The following KMT2B variants were observed in gnomAD, a reference collection of about 807,000 sequenced individuals.
The protein encoded by KMT2B is lysine methyltransferase 2B.
A neutral mutation model predicts 255.3 loss-of-function variants in KMT2B; 22 were observed. That is an observed-to-expected ratio of 0.09 (90% CI 0.06 to 0.12). KMT2B has a LOEUF of 0.12. KMT2B is among the 10% of genes least tolerant of loss of function. The pLI, the probability that KMT2B is intolerant of heterozygous loss-of-function variation, is 1.00. For synonymous variants in KMT2B, 1,730 were observed against 1,498.1 expected (o/e 1.15, Z -3.57); for missense variants, 3,149 against 3,737.0 (o/e 0.84, Z 4.10).
intron 30 of KMT2B, chr19:35,735,194 C>G (rs892632330): frequency 1.3e-5 from 2 of 152,224 alleles, no homozygotes; most frequent in African/African-American, 4.8e-5. Flanking sequence ...AGTCACACGG[C>G]AGGAGTGTTG....
At position 35,738,467 on chromosome 19, in the gene KMT2B, C is replaced by G. The variant is rs1028185815; in HGVS notation, c.8058C>G (p.Leu2686=). 6.2e-7 allele frequency: 1 copy of G among 1,614,106 alleles called. No homozygotes were observed. Among genetic ancestry groups the G allele is most frequent in the East Asian group, 2.2e-5 (1 of 44,892 alleles). ...ALRRILRGEE[L]TYDYKFPIED... Reference sequence around the variant, plus strand: ...GCCGCATCCTGCGTGGTGAGGAGCTCACCTACGACTACAAGTTCCCCATCG... The same window carrying G: ...GCCGCATCCTGCGTGGTGAGGAGCTGACCTACGACTACAAGTTCCCCATCG... The change falls in exon 37 of 37, where the codon CTC becomes CTG. Residue 2686 remains leucine (L), a synonymous_variant. Coordinates refer to ENST00000420124, the MANE Select transcript of KMT2B (RefSeq NM_014727.3). The surrounding 1 kb of genome is among the most constrained non-coding windows in gnomAD (Gnocchi z 8.7).
chr19:35,736,572 G>C (rs983940396), intron 30 of KMT2B, 118 bp from the exon 31 acceptor site: 2 of 1,225,216 alleles, frequency 1.6e-6, no homozygotes, highest in African/African-American at 3.0e-5. Flanking sequence ...TTAGACCCTA[G>C]TATCTGTGTC....
At chr19:35,731,041 C>G (rs1969669623) in intron 26 of KMT2B, among the ~76,000 whole-genome samples, 174 bp downstream of exon 26, 1 of 152,262 alleles carries the variant, frequency 6.6e-6, no homozygotes, top group Non-Finnish European at 1.5e-5. Flanking sequence ...CTGTGCCCGG[C>G]TTTTCATGGG....
In KMT2B at chr19:35,725,952, T is replaced by C. The variant is rs1969421896; in HGVS notation, c.3885+134T>C. ...TTAAGAATTGATTAGTAATGTTTCC[T>C]CTTCAAAAATTTCACATAGGTCAGA... is the stretch of plus-strand genomic sequence containing the variant. On this transcript the variant is annotated intron_variant, in intron 13 of 36. Transcript: ENST00000420124. This position sits in a 1 kb window ranked among gnomAD's most constrained non-coding sequence, Gnocchi z 4.1. 1.3e-6 allele frequency: 1 copy of C among 772,414 alleles called. No homozygotes were observed. The highest frequency in any genetic ancestry group is 1.7e-5 in the African/African-American group (1 of 57,150). The allele number at this position is 772,414 out of a possible 1,614,324, so 47.8% of individuals were successfully genotyped here.
intron 22 of KMT2B, among the ~76,000 whole-genome samples, chr19:35,729,602 C>A (rs1247191135): frequency 6.6e-6 from 1 of 152,152 alleles, no homozygotes; most frequent in Non-Finnish European, 1.5e-5. Context: ...GGTTAGAATT[C>A]CCCCACTCCT....
rs1969154350 is a variant in KMT2B at position 35,720,655 on chromosome 19, GTCCCCACCACCTCTACCA to G, written c.1314_1331del (p.Leu441_Pro446del). ...TCTGCCCTCCACCACCACCCCCAGT[GTCCCCACCACCTCTACCA>G]TCCCCTCCACCGCCTCCTGCCCAAG... On this transcript the variant is annotated inframe_deletion, in exon 3 of 37. Coordinates refer to ENST00000420124, the MANE Select transcript of KMT2B (RefSeq NM_014727.3). 1 of 1,288,602 alleles carries G rather than the reference GTCCCCACCACCTCTACCA, an allele frequency of 7.8e-7. No individual in the cohort carries two copies. Among genetic ancestry groups the G allele is most frequent in the Admixed American group, 3.1e-5 (1 of 32,546 alleles). The allele number at this position is 1,288,602 out of a possible 1,614,324, so 79.8% of individuals were successfully genotyped here. A position where few individuals can be genotyped will look rare whatever the true frequency, so the allele number is the denominator to read the frequency against.
rs1969824063 is a variant in KMT2B at position 35,733,928 on chromosome 19, C to T, written c.7159+56C>T. ...GCCTGTGCCTGGCTCAGCTGGGTGACTCACAGATGCAAAATCAGCCCTCTT... is the reference window on the plus strand; with the variant it reads ...GCCTGTGCCTGGCTCAGCTGGGTGATTCACAGATGCAAAATCAGCCCTCTT... On this transcript the variant is annotated intron_variant, in intron 30 of 36. Coordinates refer to ENST00000420124, the MANE Select transcript of KMT2B (RefSeq NM_014727.3). The surrounding 1 kb of genome is among the most constrained non-coding windows in gnomAD (Gnocchi z 4.3). 1 of 1,271,228 alleles carries T rather than the reference C, an allele frequency of 7.9e-7. No homozygotes were observed. The highest frequency in any genetic ancestry group is 1.5e-5 in the African/African-American group (1 of 66,874). 78.7% of individuals were successfully genotyped at this position (1,271,228 alleles called of 1,614,324 possible). A position where few individuals can be genotyped will look rare whatever the true frequency, so the allele number is the denominator to read the frequency against.
Position 35,722,093 on chromosome 19 carries a change from C to T in KMT2B, c.2458-266C>T, listed in dbSNP as rs182023085. ...GATCTCGGCTCACTGCAGCCTTTGC[C>T]TCCCGGGTTCAAGAGATTCTCCTGC... On this transcript the variant is annotated intron_variant, in intron 3 of 36. Transcript: ENST00000420124. Among the ~76,000 whole-genome samples the T allele has an allele frequency of 5.9e-5, 9 of 151,524 alleles. No homozygotes were observed. The East Asian group carries it at 1.8e-3, about 29-fold the overall frequency.
At position 35,721,212 on chromosome 19, in the gene KMT2B, CCCCAGCCCCTCCACCT is replaced by C; in HGVS notation, c.1869_1884del (p.Ala624ArgfsTer31). On this transcript the variant is annotated frameshift_variant, in exon 3 of 37. Transcript: ENST00000420124. LOFTEE classifies it high-confidence loss of function. ...CTGACCCGGGAGCTGCCCCCTCCTC[CCCCAGCCCCTCCACCT>C]CCCCCGGCCCCCTCCCCACCCCCTG... 6.7e-7 allele frequency: 1 copy of C among 1,503,722 alleles called. No homozygotes were observed. The highest frequency in any genetic ancestry group is 9.0e-7 in the Non-Finnish European group (1 of 1,115,086). The allele number at this position is 1,503,722 out of a possible 1,614,324, so 93.1% of individuals were successfully genotyped here.
chr19:35,731,895 C>G lies in KMT2B; in HGVS notation c.5438-13C>G. 1 of 1,599,614 alleles carries G rather than the reference C, an allele frequency of 6.3e-7. No individual in the cohort carries two copies. The highest frequency in any genetic ancestry group is 1.1e-5 in the South Asian group (1 of 90,656). On this transcript the variant is annotated splice_polypyrimidine_tract_variant and intron_variant, in intron 26 of 36. Transcript: ENST00000420124. Reference sequence around the variant, plus strand: ...AGCCCCTACCACCCCAATGCCATTTCTCGCCTCTTCAGAGCCCCCAGGTGG... The same window carrying G: ...AGCCCCTACCACCCCAATGCCATTTGTCGCCTCTTCAGAGCCCCCAGGTGG...
At chr19:35,735,666 C>T (rs1454065782) in intron 30 of KMT2B, 1 of 152,316 alleles carries the variant, frequency 6.6e-6, no homozygotes, top group African/African-American at 2.4e-5. Flanking sequence ...CCCACCATCT[C>T]CACCAGCAGG....
rs769595168 is a variant in KMT2B at position 35,736,772 on chromosome 19, G to C, written c.7242G>C (p.Leu2414=). The change falls in exon 31 of 37, where the codon CTG becomes CTC. Residue 2414 remains leucine, a synonymous_variant. Transcript: ENST00000420124. ...CCCCAAAACGGACTGGCCCACATCTGCGCTTCGAGATCAGCAGTGAGGATG... is the reference window on the plus strand; with the variant it reads ...CCCCAAAACGGACTGGCCCACATCTCCGCTTCGAGATCAGCAGTGAGGATG... ...NQAPKRTGPH[L]RFEISSEDGF... is the part of the protein sequence containing the mutation. The C allele has an allele frequency of 7.4e-6, 12 of 1,613,896 alleles. No individual in the cohort carries two copies. Among genetic ancestry groups the C allele is most frequent in the Non-Finnish European group, 1.0e-5 (12 of 1,179,886 alleles).
chr19:35,736,574 A>G (rs1969925190), intron 30 of KMT2B, 116 bp from the exon 31 acceptor site: 1 of 1,230,058 alleles, frequency 8.1e-7, no homozygotes, highest in East Asian at 2.5e-5. Context: ...AGACCCTAGT[A>G]TCTGTGTCTG....
Position 35,732,616 on chromosome 19 carries a change from A to T in KMT2B, c.6067A>T (p.Ser2023Cys). Residue 2023 changes from serine to cysteine, a missense_variant, in exon 28 of 37, where the codon AGC (serine) becomes TGC (cysteine). Ser to Cys is a moderately radical substitution (Grantham distance 112). Coordinates refer to ENST00000420124, the MANE Select transcript of KMT2B (RefSeq NM_014727.3). ...MGSSHGGPGD[S>C]SEEESSPTSR... ...GAGCAGCCACGGGGGCCCGGGGGACAGCTCCGAGGAGGAGTCCAGCCCCAC... is the reference window on the plus strand; with the variant it reads ...GAGCAGCCACGGGGGCCCGGGGGACTGCTCCGAGGAGGAGTCCAGCCCCAC... 1.2e-6 allele frequency: 2 copies of T among 1,612,260 alleles called. No individual in the cohort carries two copies. Among genetic ancestry groups the T allele is most frequent in the Non-Finnish European group, 1.7e-6 (2 of 1,179,322 alleles).
chr19:35,720,551 C>T lies in KMT2B; in HGVS notation c.1204C>T (p.Pro402Ser). 1 of 1,545,544 alleles carries T rather than the reference C, an allele frequency of 6.5e-7. No individual in the cohort carries two copies. The highest frequency in any genetic ancestry group is 1.2e-5 in the South Asian group (1 of 83,638). The part of the protein sequence containing the change: ...PAAEKEEAKL[P>S]PPPLTPPAPS... The stretch of plus-strand genomic sequence containing the variant: ...TGCGGAAAAGGAAGAGGCAAAGCTG[C>T]CACCACCGCCTCTGACTCCTCCAGC... The change falls in exon 3 of 37, where the codon CCA becomes TCA. Residue 402 changes from proline to serine, a missense_variant. By Grantham distance (74) the Pro-to-Ser change is moderately conservative. Coordinates refer to ENST00000420124, the MANE Select transcript of KMT2B (RefSeq NM_014727.3).
Position 35,720,085 on chromosome 19 carries a change from A to G in KMT2B, c.738A>G (p.Thr246=). The change falls in exon 3 of 37, where the codon ACA becomes ACG. Residue 246 remains threonine (T), a synonymous_variant. Coordinates refer to ENST00000420124, the MANE Select transcript of KMT2B (RefSeq NM_014727.3). ...QAVVVAEAAV[T]IPKPEPPPPV... ...TAGTGGTGGCAGAAGCAGCTGTGACAATCCCCAAACCTGAGCCCCCACCTC... is the reference window on the plus strand; with the variant it reads ...TAGTGGTGGCAGAAGCAGCTGTGACGATCCCCAAACCTGAGCCCCCACCTC... The G allele has an allele frequency of 6.2e-7, 1 of 1,605,036 alleles. No individual in the cohort carries two copies. Among genetic ancestry groups the G allele is most frequent in the South Asian group, 1.1e-5 (1 of 89,914 alleles).
chr19:35,725,368 T>C lies in KMT2B; in HGVS notation c.3642+35T>C. 6.4e-7 allele frequency: 1 copy of C among 1,558,084 alleles called. No individual in the cohort carries two copies. The highest frequency in any genetic ancestry group is 8.7e-7 in the Non-Finnish European group (1 of 1,150,352). On this transcript the variant is annotated intron_variant, in intron 11 of 36. Transcript: ENST00000420124. The surrounding 1 kb of genome is among the most constrained non-coding windows in gnomAD (Gnocchi z 4.1). ...CTGCCTTTCTTCACAGACCCCCAGC[T>C]CTCTGTCGGTCCTCACGGCCTGATT... is the stretch of plus-strand genomic sequence containing the variant.
chr19:35,721,865 C>A, intron 3 of KMT2B, 61 bp downstream of exon 3: 1 of 1,471,662 alleles, frequency 6.8e-7, no homozygotes, highest in Non-Finnish European at 9.0e-7. Flanking sequence ...TCTTTGCAAC[C>A]CCCTAACCTT....
rs1246457958 is a variant in KMT2B at position 35,738,513 on chromosome 19, C to T, written c.8104C>T (p.Pro2702Ser). The T allele has an allele frequency of 6.2e-7, 1 of 1,614,018 alleles. No individual in the cohort carries two copies. Among genetic ancestry groups the T allele is most frequent in the Non-Finnish European group, 8.5e-7 (1 of 1,179,912 alleles). Residue 2702 changes from proline (P) to serine (S), a missense_variant, in exon 37 of 37, where the codon CCC becomes TCC. Around this residue, in one of 18 missense-constraint regions of KMT2B, gnomAD observed 56 missense variants for 238.8 expected, o/e 0.23. Transcript: ENST00000420124. The surrounding 1 kb of genome is among the most constrained non-coding windows in gnomAD (Gnocchi z 8.7). Reference sequence around the variant, plus strand: ...CATCGAGGATGCCAGCAACAAGCTGCCCTGCAACTGTGGCGCCAAGCGCTG... The same window carrying T: ...CATCGAGGATGCCAGCAACAAGCTGTCCTGCAACTGTGGCGCCAAGCGCTG... ...FPIEDASNKL[P>S]CNCGAKRCRR... is the part of the protein sequence containing the mutation.
Sources: gnomAD v4.1 joint callset for allele counts (sites outside exome capture counted in the v4.1 genomes callset) on GRCh38, gnomAD v4.1.1 for gene constraint, gnomAD v4.1.1 regional missense constraint, Gnocchi (gnomAD v3.1) non-coding constraint, MANE v1.5 for transcripts, NCBI Gene and HGNC (gene_info 2026-07-23, HGNC 2026-07-21) for gene names.